Variants in CFAP58 observed in about 807,000 individuals in gnomAD.
CFAP58 encodes cilia and flagella associated protein 58, also known as cilia- and flagella-associated protein 58.
Under a neutral mutation model 119.5 loss-of-function variants are expected in CFAP58, and 88 were observed. The ratio of observed to expected loss-of-function variants is 0.74; its 90% confidence interval spans 0.62 to 0.88. CFAP58 has a LOEUF of 0.88. Among genes scored for constraint, CFAP58 ranks in the 40% least tolerant of loss-of-function variants. The probability of loss-of-function intolerance (pLI) is 0.00; values close to 1 mark genes in which losing one functional copy is unlikely to be tolerated. For missense variants in CFAP58, 990 were observed against 1,021.2 expected, an observed-to-expected ratio of 0.97 and a Z score of 0.42; for synonymous variants, 365 against 366.3, an observed-to-expected ratio of 1.00 and a Z score of 0.04.
chr10:104,353,787 G>C (rs1004571795), upstream of CFAP58: 50 of 1,354,194 alleles, frequency 3.7e-5, no homozygotes, highest in South Asian at 7.9e-5. Context: ...GTTTCCGCTC[G>C]GGGCGGGCGA....
At chr10:104,403,577 C>T (rs2012305172) in intron 13 of CFAP58, 152 bp from the exon 14 acceptor site, 3 of 376,712 alleles carry the variant, frequency 8.0e-6, no homozygotes, top group Non-Finnish European at 1.4e-5. Flanking sequence ...TATCATCTTG[C>T]CCAGAATTAG....
At chr10:104,386,655 A>G (rs1290867298) in intron 9 of CFAP58, among the ~76,000 whole-genome samples, 1 of 152,244 alleles carries the variant, frequency 6.6e-6, no homozygotes, top group East Asian at 1.9e-4. Flanking sequence ...CTTGGGGGCG[A>G]GTCTTATTCA....
intron 2 of CFAP58, 21 bp downstream of exon 2, chr10:104,358,643 G>A (rs113832347): frequency 0.025 from 40,346 of 1,591,852 alleles, 640 homozygotes; most frequent in Middle Eastern, 0.041. Context: ...TTCTAGAAAT[G>A]GAATGAACCT....
intron 1 of CFAP58, among the ~76,000 whole-genome samples, chr10:104,357,914 CATAT>C: frequency 9.2e-6 from 1 of 108,616 alleles, no homozygotes; most frequent in East Asian, 2.3e-4. Flanking sequence ...CATATACACA[CATAT>C]ATGTACACAT....
At chr10:104,446,125 C>A (rs1356058610) in intron 15 of CFAP58, among the ~76,000 whole-genome samples, 3 of 152,216 alleles carry the variant, frequency 2.0e-5, no homozygotes, top group Admixed American at 6.5e-5. Flanking sequence ...ATTTTCCCAA[C>A]AGAGTAGGTG....
At chr10:104,442,054 GC>G (rs2013044786) in intron 15 of CFAP58, among the ~76,000 whole-genome samples, 3 of 152,254 alleles carry the variant, frequency 2.0e-5, no homozygotes, top group African/African-American at 7.2e-5. Context: ...TTCTAGAGTT[GC>G]TTTTATATAC....
At chr10:104,360,228 A>G (rs1174914700) in intron 2 of CFAP58, among the ~76,000 whole-genome samples, 1 of 152,228 alleles carries the variant, frequency 6.6e-6, no homozygotes, top group Non-Finnish European at 1.5e-5. Flanking sequence ...AGTGGCCTAA[A>G]ACTCAAAGCT....
At chr10:104,447,160 T>G (rs138688585) in intron 15 of CFAP58, among the ~76,000 whole-genome samples, 125 of 151,136 alleles carry the variant, frequency 8.3e-4, no homozygotes, top group African/African-American at 2.9e-3. Flanking sequence ...TGGCTAATTT[T>G]TGTATTTTTC....
In CFAP58 at chr10:104,454,442, T is replaced by C; in HGVS notation, c.2531T>C (p.Met844Thr). Residue 844 changes from methionine to threonine, a missense_variant, in exon 18 of 18, where the codon ATG becomes ACG. Coordinates refer to ENST00000369704, the MANE Select transcript of CFAP58 (RefSeq NM_001008723.2). ...QLQKNKDTAP[M>T]DNTFLMVKPN... ...TACAGAAACAAGGACACAGCACCCA[T>C]GGATAACACCTTCTTAATGGTCAAA... is the stretch of plus-strand genomic sequence containing the variant. 2 of 1,613,492 alleles carry C rather than the reference T, an allele frequency of 1.2e-6. No individual in the cohort carries two copies. Among genetic ancestry groups the C allele is most frequent in the Non-Finnish European group, 8.5e-7 (1 of 1,179,666 alleles).
chr10:104,357,863 A>AT (rs1437984544), intron 1 of CFAP58, among the ~76,000 whole-genome samples: 2 of 129,016 alleles, frequency 1.6e-5, no homozygotes, highest in African/African-American at 3.1e-5. Context: ...ATATACACAT[A>AT]TATACACATA....
At chr10:104,435,383 G>A (rs1412573008) in intron 15 of CFAP58, among the ~76,000 whole-genome samples, 1 of 152,218 alleles carries the variant, frequency 6.6e-6, no homozygotes, top group Non-Finnish European at 1.5e-5. Flanking sequence ...TTGGGAGGCT[G>A]AGGCAGGAGA....
At chr10:104,347,017 A>C in the CFAP58 span, among the ~76,000 whole-genome samples, 1 of 152,046 alleles carries the variant, frequency 6.6e-6, no homozygotes, top group Non-Finnish European at 1.5e-5. Flanking sequence ...TCAAACTGCA[A>C]CCTTGGTGTC....
At chr10:104,385,701 C>T (rs2011908699) in intron 9 of CFAP58, among the ~76,000 whole-genome samples, 1 of 152,058 alleles carries the variant, frequency 6.6e-6, no homozygotes, top group African/African-American at 2.4e-5. Flanking sequence ...AGAATAGAAA[C>T]CAGCCTACAG....
rs557446584 is a variant in CFAP58, at chr10:104,416,771, G to C, written c.2256+9978G>C. ...CCTTTACAGACAAGGGAACACGTAG[G>C]CCAGGAAAGCTGAGTCTTTCTACTA... On this transcript the variant is annotated intron_variant, in intron 15 of 17. Coordinates refer to ENST00000369704, the MANE Select transcript of CFAP58 (RefSeq NM_001008723.2). 2.4e-4 allele frequency among the ~76,000 whole-genome samples: 36 copies of C among 152,284 alleles called. No individual in the cohort carries two copies. The East Asian group carries it at 6.2e-3, about 26-fold the overall frequency.
At chr10:104,349,557 T>C (rs1332099003), upstream of CFAP58, among the ~76,000 whole-genome samples, 1 of 152,002 alleles carries the variant, frequency 6.6e-6, no homozygotes, top group Non-Finnish European at 1.5e-5. Context: ...CATTCTGAAG[T>C]AGGGGGCATC....
chr10:104,369,101 A>G (rs930973084), intron 6 of CFAP58, among the ~76,000 whole-genome samples: 5 of 152,160 alleles, frequency 3.3e-5, no homozygotes, highest in Non-Finnish European at 5.9e-5. Context: ...ATAACAGTTT[A>G]TACTCCGATG....
chr10:104,372,301 T>C (rs1189161224), intron 7 of CFAP58, among the ~76,000 whole-genome samples: 2 of 151,962 alleles, frequency 1.3e-5, no homozygotes, highest in Admixed American at 6.6e-5. Flanking sequence ...TGCAGTGAGC[T>C]GAGATTGTGC....
At chr10:104,447,901 C>T in intron 16 of CFAP58, 84 bp downstream of exon 16, 1 of 1,446,522 alleles carries the variant, frequency 6.9e-7, no homozygotes, top group Non-Finnish European at 9.2e-7. Context: ...TGACTCCACA[C>T]AATGAGCCAG....
Position 104,358,092 on chromosome 10 carries a change from T to C in CFAP58, c.10-249T>C, listed in dbSNP as rs548565022. Among the ~76,000 whole-genome samples, 31 of 146,034 alleles carry C rather than the reference T, an allele frequency of 2.1e-4. 1 individual carries two copies. Among genetic ancestry groups the C allele is most frequent in the South Asian group, 4.2e-4 (2 of 4,744 alleles). Reference sequence around the variant, plus strand: ...ACATATGTACATATATATACACACATATATATGTACATATATACACATATA... The same window carrying C: ...ACATATGTACATATATATACACACACATATATGTACATATATACACATATA... On this transcript the variant is annotated intron_variant, in intron 1 of 17. Coordinates refer to ENST00000369704, the MANE Select transcript of CFAP58 (RefSeq NM_001008723.2).
Sources: allele counts gnomAD v4.1 joint callset (sites outside exome capture counted in the v4.1 genomes callset), GRCh38; gene constraint gnomAD v4.1.1; transcripts MANE v1.5; gene names NCBI Gene and HGNC (gene_info 2026-07-23, HGNC 2026-07-21).